The following NME7 variants were observed in gnomAD, a reference collection of about 807,000 sequenced individuals.
The protein encoded by NME7 is NME/NM23 family member 7, also known as nucleoside diphosphate kinase 7.
Under a neutral mutation model 49.1 loss-of-function variants are expected in NME7, and 41 were observed. The observed-to-expected ratio is 0.83, with a 90% CI of 0.65 to 1.08. NME7 has a LOEUF of 1.08. Among genes scored for constraint, NME7 ranks in the 50% least tolerant of loss-of-function variants. The pLI is 0.00. For missense variants in NME7, 423 were observed against 463.4 expected, an observed-to-expected ratio of 0.91 and a Z score of 0.80; for synonymous variants, 139 against 150.6, an observed-to-expected ratio of 0.92 and a Z score of 0.56.
chr1:169,266,925 G>A (rs1313203903), intron 7 of NME7, among the ~76,000 whole-genome samples: 3 of 131,898 alleles, frequency 2.3e-5, no homozygotes, highest in African/African-American at 7.7e-5. Context: ...AAAATTAGCT[G>A]AGCATGGTGG....
At chr1:169,314,569 C>A (rs943140876) in intron 3 of NME7, among the ~76,000 whole-genome samples, 1 of 151,884 alleles carries the variant, frequency 6.6e-6, no homozygotes, top group Admixed American at 6.6e-5. Context: ...TTAGTAGTTA[C>A]GTTACAAATA....
intron 10 of NME7, among the ~76,000 whole-genome samples, chr1:169,193,488 C>A (rs1660291745): frequency 6.6e-6 from 1 of 152,138 alleles, no homozygotes; most frequent in Non-Finnish European, 1.5e-5. Flanking sequence ...TCTTTCATGT[C>A]CAAAAGCGGT....
intron 6 of NME7, among the ~76,000 whole-genome samples, chr1:169,290,704 GA>G (rs1558025340): frequency 6.6e-6 from 1 of 152,086 alleles, no homozygotes; most frequent in Non-Finnish European, 1.5e-5. Context: ...TAGCAAAAGA[GA>G]AATTATCATC....
chr1:169,267,373 C>T (rs1397199451), intron 7 of NME7, among the ~76,000 whole-genome samples: 1 of 133,666 alleles, frequency 7.5e-6, no homozygotes, highest in Admixed American at 7.3e-5. Context: ...AATGCTATTC[C>T]TTTCCATGTA....
intron 1 of NME7, among the ~76,000 whole-genome samples, chr1:169,331,877 T>C (rs1293847567): frequency 6.6e-6 from 1 of 151,606 alleles, no homozygotes; most frequent in Non-Finnish European, 1.5e-5. Context: ...ATTGTTAAAA[T>C]GTCCACACTA....
intron 6 of NME7, among the ~76,000 whole-genome samples, chr1:169,294,242 A>G (rs1327094646): frequency 5.9e-5 from 9 of 152,336 alleles, no homozygotes; most frequent in African/African-American, 2.2e-4. Context: ...TTAGAGCAAG[A>G]AAAGCAGTAA....
rs115298770 is a variant in NME7, at chr1:169,313,807, T to C, written c.279-3727A>G. Among the ~76,000 whole-genome samples the C allele has an allele frequency of 2.1e-3, 313 of 152,152 alleles. 4 individuals carry two copies. The highest frequency in any genetic ancestry group is 7.1e-3 in the African/African-American group (294 of 41,512). ...AACTGTAAAGTATCTGTGCAAACTA[T>C]GGTTAAAGGACTAAAAGACAAGCTA... On this transcript the variant is annotated intron_variant, in intron 3 of 11. Coordinates refer to ENST00000367811, the MANE Select transcript of NME7 (RefSeq NM_013330.5).
At chr1:169,136,387 C>T (rs947130580) in intron 11 of NME7, among the ~76,000 whole-genome samples, 2 of 152,152 alleles carry the variant, frequency 1.3e-5, no homozygotes, top group African/African-American at 4.8e-5. Context: ...AAGTCCATGC[C>T]TACCATAAAC....
At chr1:169,332,955 G>A (rs1021197472) in intron 1 of NME7, among the ~76,000 whole-genome samples, 1 of 152,136 alleles carries the variant, frequency 6.6e-6, no homozygotes, top group Non-Finnish European at 1.5e-5. Flanking sequence ...TCCCACTGCA[G>A]GGTATATACC....
chr1:169,323,181 G>A lies in NME7; in HGVS notation c.214C>T (p.Gln72Ter). The change falls in exon 3 of 12, where the codon CAA (glutamine) becomes TAA (stop). Residue 72 changes from glutamine to a stop codon, truncating the protein, a stop_gained. Transcript: ENST00000367811. LOFTEE classifies it high-confidence loss of function. ...TCCCCATAGTCAATTAATACCAGTT[G>A]TCGAGAAAAGACATTCACTTTGTTG... ...IGNKVNVFSR[Q>*]LVLIDYGDQY... The A allele has an allele frequency of 6.2e-7, 1 of 1,608,864 alleles. No homozygotes were observed. Among genetic ancestry groups the A allele is most frequent in the Middle Eastern group, 1.7e-4 (1 of 6,054 alleles).
At chr1:169,251,561 C>CTTTTTTTTTTTTTTT (rs34473903) in intron 7 of NME7, among the ~76,000 whole-genome samples, 1 of 95,584 alleles carries the variant, frequency 1.0e-5, no homozygotes, top group Non-Finnish European at 2.3e-5. Context: ...TTTTTTTTTT[C>CTTTTTTTTTTTTTTT]TTTTTTTTTT....
rs1457852073 is a variant in NME7 at position 169,170,346 on chromosome 1, G to C, written c.991-792C>G. 2.0e-5 allele frequency among the ~76,000 whole-genome samples: 3 copies of C among 152,294 alleles called. No homozygotes were observed. The East Asian group carries it at 5.8e-4, about 29-fold the overall frequency. On this transcript the variant is annotated intron_variant, in intron 10 of 11. Transcript: ENST00000367811. ...GTCACCTCTATGAAAGTGGAAATCA[G>C]AAAGAATCATGACAGGTGTAGCTTA...
At chr1:169,285,585 C>T (rs1194937746) in intron 7 of NME7, 3 of 152,048 alleles carry the variant, frequency 2.0e-5, no homozygotes, top group East Asian at 1.9e-4. Context: ...GGGTTTGCAT[C>T]CTCAATTTCC....
chr1:169,344,277 G>C (rs1466957006), intron 1 of NME7, among the ~76,000 whole-genome samples: 1 of 152,292 alleles, frequency 6.6e-6, no homozygotes, highest in African/African-American at 2.4e-5. Flanking sequence ...ATTAGTTGTA[G>C]TAACTTTTTT....
At chr1:169,339,487 T>C (rs974019529) in intron 1 of NME7, among the ~76,000 whole-genome samples, 7 of 152,164 alleles carry the variant, frequency 4.6e-5, no homozygotes, top group Admixed American at 2.0e-4. Context: ...AGATAGAAAA[T>C]TGACTTTATT....
intron 6 of NME7, among the ~76,000 whole-genome samples, chr1:169,292,200 G>T (rs1174696512): frequency 6.6e-6 from 1 of 152,096 alleles, no homozygotes. Flanking sequence ...GCATCATAGA[G>T]TTAAGTATAA....
intron 10 of NME7, among the ~76,000 whole-genome samples, chr1:169,217,796 C>A (rs1571299691): frequency 6.6e-6 from 1 of 152,120 alleles, no homozygotes; most frequent in African/African-American, 2.4e-5. Context: ...ATGGTGTAGC[C>A]TTTTTGTGCT....
chr1:169,189,760 T>C (rs956283815), intron 10 of NME7, among the ~76,000 whole-genome samples: 4 of 152,190 alleles, frequency 2.6e-5, no homozygotes, highest in African/African-American at 9.6e-5. Context: ...TTAAAATTCA[T>C]GTGAGTTGCT....
At chr1:169,211,969 A>T (rs1475396097) in intron 10 of NME7, among the ~76,000 whole-genome samples, 1 of 152,076 alleles carries the variant, frequency 6.6e-6, no homozygotes, top group Non-Finnish European at 1.5e-5. Flanking sequence ...TTACTCTCTT[A>T]CTAGGTTGCA....
Sources: gnomAD v4.1 joint callset for allele counts (sites outside exome capture counted in the v4.1 genomes callset) on GRCh38, gnomAD v4.1.1 for gene constraint, MANE v1.5 for transcripts, NCBI Gene and HGNC (gene_info 2026-07-23, HGNC 2026-07-21) for gene names.